The following APOOL variants were observed in gnomAD, a reference collection of about 807,000 sequenced individuals.
The protein encoded by APOOL is MICOS complex subunit MIC27.
A neutral mutation model predicts 23.1 loss-of-function variants in APOOL; 12 were observed. That is an observed-to-expected ratio of 0.52 (90% confidence interval 0.33 to 0.84). The LOEUF is 0.84. Ranked by LOEUF, APOOL falls within the 40% of genes least tolerant of loss-of-function variation. The pLI, the probability that APOOL is intolerant of heterozygous loss-of-function variation, is 0.02. For missense variants in APOOL, 212 were observed against 199.6 expected (o/e 1.06, Z -0.37); for synonymous variants, 77 against 69.9 (o/e 1.10, Z -0.51).
chrX:85,045,197 C>T (rs1922534713), intron 1 of APOOL, among the ~76,000 whole-genome samples: 1 of 111,345 alleles, frequency 9.0e-6, no homozygotes, highest in African/African-American at 3.3e-5. Context: ...GATGCATGTG[C>T]AGATAAATCA....
rs748284377 is a variant in APOOL, at chrX:85,092,786, C to A, written c.*5108C>A. 2.1e-3 allele frequency: 744 copies of A among 358,165 alleles called. No homozygotes were observed. Among genetic ancestry groups the A allele is most frequent in the Non-Finnish European group, 2.9e-3 (613 of 209,752 alleles). 29.5% of individuals were successfully genotyped at this position (358,165 alleles called of 1,213,427 possible). ...AAATCTCAAAACTGATTTGCAAAGC[C>A]TTTATCATACAGAAAAGGTGTACCT... On this transcript the variant is annotated 3_prime_UTR_variant, in exon 9 of 9. Transcript: ENST00000373173.
intron 2 of APOOL, among the ~76,000 whole-genome samples, chrX:85,050,998 C>A (rs1210309305): frequency 9.1e-6 from 1 of 110,344 alleles, no homozygotes; most frequent in Non-Finnish European, 1.9e-5. Context: ...TATATTTACC[C>A]CCTAATTTCT....
At chrX:85,027,551 A>G (rs764628538) in intron 1 of APOOL, among the ~76,000 whole-genome samples, 1 of 111,701 alleles carries the variant, frequency 9.0e-6, no homozygotes, top group African/African-American at 3.3e-5. Context: ...TCTCTTTCCC[A>G]TATAGCATGA....
At chrX:85,023,236 A>C (rs1310546901) in intron 1 of APOOL, among the ~76,000 whole-genome samples, 1 of 112,162 alleles carries the variant, frequency 8.9e-6, no homozygotes, top group Non-Finnish European at 1.9e-5. Flanking sequence ...AAAGTTGAAG[A>C]ATACAAAACC....
chrX:85,039,166 A>G (rs765229560), intron 1 of APOOL, among the ~76,000 whole-genome samples: 41 of 110,310 alleles, frequency 3.7e-4, no homozygotes, highest in Non-Finnish European at 7.8e-4. Context: ...GTGTACCCAA[A>G]AGTAATTCAG....
chrX:85,034,141 C>G (rs1367756806), intron 1 of APOOL, among the ~76,000 whole-genome samples: 1 of 109,579 alleles, frequency 9.1e-6, no homozygotes, highest in Admixed American at 9.7e-5. Context: ...CTGAAAAGTT[C>G]TAGATAGCTG....
intron 8 of APOOL, among the ~76,000 whole-genome samples, chrX:85,077,916 CT>C (rs1923923151): frequency 8.9e-6 from 1 of 111,821 alleles, no homozygotes; most frequent in Non-Finnish European, 1.9e-5. Flanking sequence ...TGTTCATATC[CT>C]TTACCCACTT....
rs776744846 is a variant in APOOL, at chrX:85,042,464, C to G, written c.16-3982C>G. Among the ~76,000 whole-genome samples, 6 of 111,913 alleles carry G rather than the reference C, an allele frequency of 5.4e-5. No homozygotes were observed. The East Asian group carries it at 1.7e-3, about 32-fold the overall frequency. On this transcript the variant is annotated intron_variant, in intron 1 of 8. Transcript: ENST00000373173. ...GAGATGGAAGATGTAGTAAAAATCT[C>G]CCCAGAAGGAAAAGCCTGGGACTTG...
At chrX:85,026,763 C>G (rs759846341) in intron 1 of APOOL, among the ~76,000 whole-genome samples, 3 of 111,594 alleles carry the variant, frequency 2.7e-5, no homozygotes, top group African/African-American at 9.8e-5. Context: ...TCCCAAAATA[C>G]CCTCATTTCC....
At chrX:85,018,876 C>T (rs1602742450) in intron 1 of APOOL, among the ~76,000 whole-genome samples, 1 of 111,590 alleles carries the variant, frequency 9.0e-6, no homozygotes, top group Non-Finnish European at 1.9e-5. Flanking sequence ...ACATAGATCT[C>T]TGTTTCTTTG....
chrX:85,035,828 T>C (rs1358580881), intron 1 of APOOL, among the ~76,000 whole-genome samples: 1 of 111,711 alleles, frequency 9.0e-6, no homozygotes, highest in Non-Finnish European at 1.9e-5. Context: ...ACCTGTTACA[T>C]TGGTCTATGT....
chrX:85,057,843 CAAAG>C (rs1334288116), intron 5 of APOOL, among the ~76,000 whole-genome samples: 1 of 110,202 alleles, frequency 9.1e-6, no homozygotes, highest in African/African-American at 3.3e-5. Context: ...CAATAAGACT[CAAAG>C]AATTAAATTT....
At chrX:85,065,672 A>G (rs1923432469) in intron 5 of APOOL, among the ~76,000 whole-genome samples, 1 of 111,045 alleles carries the variant, frequency 9.0e-6, no homozygotes, top group Non-Finnish European at 1.9e-5. Flanking sequence ...TATCAGGTAA[A>G]GAGAGGATGA....
rs138733914 is a variant in APOOL at position 85,074,064 on chromosome X, A to G, written c.553A>G (p.Lys185Glu). ...IFGAVKSLWT[K>E]SSKEESLPKP... ...TGGAGCAGTTAAATCATTGTGGACA[A>G]AAAGCAGCAAAGAAGAGTCACTCCC... Residue 185 changes from lysine (K) to glutamate (E), a missense_variant, in exon 7 of 9, where the codon AAA becomes GAA. Coordinates refer to ENST00000373173, the MANE Select transcript of APOOL (RefSeq NM_198450.6). 2.0e-4 allele frequency: 230 copies of G among 1,168,336 alleles called. No individual in the cohort carries two copies. The highest frequency in any genetic ancestry group is 1.3e-3 in the South Asian group (66 of 52,513).
At chrX:85,060,097 A>G (rs1321072429) in intron 5 of APOOL, among the ~76,000 whole-genome samples, 8 of 110,284 alleles carry the variant, frequency 7.3e-5, no homozygotes, top group Non-Finnish European at 1.3e-4. Context: ...TCTACATATG[A>G]CTAGCCAGTT....
At chrX:85,009,768 G>C (rs376510452) in intron 1 of APOOL, among the ~76,000 whole-genome samples, 1 of 110,967 alleles carries the variant, frequency 9.0e-6, no homozygotes, top group East Asian at 2.8e-4. Context: ...CCCAGTAGTT[G>C]TCTTTTCTGC....
intron 1 of APOOL, among the ~76,000 whole-genome samples, chrX:85,044,035 A>G (rs755031326): frequency 1.1e-4 from 12 of 111,853 alleles, no homozygotes; most frequent in Admixed American, 7.6e-4. Flanking sequence ...ATTTTCTGCA[A>G]TGATGGGCTT....
rs190251563 is a variant in APOOL, at chrX:85,078,867, T to C, written c.718+4476T>C. On this transcript the variant is annotated intron_variant, in intron 8 of 8. Transcript: ENST00000373173. ...CTTTGTAGCAATTGTGAATGGGAAT[T>C]CACTCATGATTTGGCTCTCTGTTTG... Among the ~76,000 whole-genome samples the C allele has an allele frequency of 4.9e-3, 544 of 111,568 alleles. 4 individuals carry two copies. The highest frequency in any genetic ancestry group is 0.017 in the African/African-American group (513 of 30,658).
Position 85,092,258 on chromosome X carries a change from A to G in APOOL, c.*4580A>G, listed in dbSNP as rs1376981401. 1 of 742,533 alleles carries G rather than the reference A, an allele frequency of 1.3e-6. No individual in the cohort carries two copies. The highest frequency in any genetic ancestry group is 2.1e-5 in the African/African-American group (1 of 47,031). 61.2% of individuals were successfully genotyped at this position (742,533 alleles called of 1,213,427 possible). ...GACTAGAGCTACAAAATCTGTTTCAAAATAAAAGATCTGCTCAAACAAGAA... is the reference window on the plus strand; with the variant it reads ...GACTAGAGCTACAAAATCTGTTTCAGAATAAAAGATCTGCTCAAACAAGAA... On this transcript the variant is annotated 3_prime_UTR_variant, in exon 9 of 9. Coordinates refer to ENST00000373173, the MANE Select transcript of APOOL (RefSeq NM_198450.6).
Sources: allele counts gnomAD v4.1 joint callset (sites outside exome capture counted in the v4.1 genomes callset), GRCh38; gene constraint gnomAD v4.1.1; transcripts MANE v1.5; gene names NCBI Gene and HGNC (gene_info 2026-07-23, HGNC 2026-07-21).